SH3GL3: variants seen among roughly 807,000 people sequenced by gnomAD.
SH3GL3 encodes SH3 domain containing GRB2 like 3, endophilin A3, also known as endophilin-A3.
In SH3GL3, 33 loss-of-function variants were observed where a neutral mutation model predicts 47.7. The ratio of observed to expected loss-of-function variants is 0.69; its 90% CI spans 0.52 to 0.92. The LOEUF (loss-of-function observed/expected upper bound fraction) is 0.92. SH3GL3 is among the 40% of genes least tolerant of loss of function. The probability of loss-of-function intolerance (pLI) is 0.00; values close to 1 mark genes in which losing one functional copy is unlikely to be tolerated. For synonymous variants in SH3GL3, 155 were observed against 148.8 expected, an observed-to-expected ratio of 1.04 and a Z score of -0.30; for missense variants, 363 against 417.8, an observed-to-expected ratio of 0.87 and a Z score of 1.14.
chr15:83,550,444 G>A (rs1028065261), intron 1 of SH3GL3, among the ~76,000 whole-genome samples: 6 of 152,102 alleles, frequency 3.9e-5, no homozygotes, highest in Non-Finnish European at 2.9e-5. Context: ...AGGCTGGAGT[G>A]CAGTGGTGTG....
intron 3 of SH3GL3, among the ~76,000 whole-genome samples, chr15:83,567,150 C>T (rs556766707): frequency 2.0e-5 from 3 of 152,268 alleles, no homozygotes; most frequent in Admixed American, 1.3e-4. Context: ...TTTCCCATAG[C>T]TATCTCCCAC....
chr15:83,511,006 G>A (rs967848175), intron 1 of SH3GL3, among the ~76,000 whole-genome samples: 4 of 152,044 alleles, frequency 2.6e-5, no homozygotes, highest in African/African-American at 9.6e-5. Flanking sequence ...GTGGGGAGAG[G>A]GGGGCGGGAT....
intron 1 of SH3GL3, among the ~76,000 whole-genome samples, chr15:83,468,105 C>T (rs1455394240): frequency 6.6e-6 from 1 of 152,236 alleles, no homozygotes; most frequent in African/African-American, 2.4e-5. Flanking sequence ...GCTGGGATTA[C>T]AGGCATGAGC....
intron 8 of SH3GL3, among the ~76,000 whole-genome samples, chr15:83,595,639 A>T (rs563687910): frequency 1.4e-5 from 2 of 145,484 alleles, no homozygotes; most frequent in African/African-American, 5.1e-5. Context: ...TTTTTCCTGC[A>T]TGAAGGCTTT....
intron 3 of SH3GL3, among the ~76,000 whole-genome samples, chr15:83,567,183 T>C (rs2045589547): frequency 6.6e-6 from 1 of 152,162 alleles, no homozygotes; most frequent in South Asian, 2.1e-4. Flanking sequence ...TAATAGCATT[T>C]TAGGTCAAAC....
At chr15:83,566,420 T>C (rs1206342745) in intron 3 of SH3GL3, among the ~76,000 whole-genome samples, 1 of 144,612 alleles carries the variant, frequency 6.9e-6, no homozygotes, top group Non-Finnish European at 1.5e-5. Context: ...TGTGTGAGAG[T>C]GAAGCCTTTG....
At chr15:83,529,927 C>T (rs1219066762) in intron 1 of SH3GL3, among the ~76,000 whole-genome samples, 3 of 152,122 alleles carry the variant, frequency 2.0e-5, no homozygotes, top group Non-Finnish European at 4.4e-5. Flanking sequence ...ATTGGCTCCC[C>T]TTGTTTCAGC....
Position 83,566,365 on chromosome 15 carries a change from A to AGAGAGTGTGT in SH3GL3, c.187+1160_187+1161insAGAGTGTGTG, listed in dbSNP as rs1459069703. On this transcript the variant is annotated intron_variant, in intron 3 of 8. Coordinates refer to ENST00000427482, the MANE Select transcript of SH3GL3 (RefSeq NM_003027.5). ...GATGGGCAGAGAGAGAGAGAGAGAG[A>AGAGAGTGTGT]GTGTGTGTGTGTGTGTGTGTGTGTG... Among the ~76,000 whole-genome samples the AGAGAGTGTGT allele has an allele frequency of 2.3e-3, 316 of 136,688 alleles. 3 individuals carry two copies. The highest frequency in any genetic ancestry group is 3.9e-3 in the Non-Finnish European group (249 of 63,830). 89.7% of individuals were successfully genotyped at this position (136,688 alleles called of 152,430 possible). A position where few individuals can be genotyped will look rare whatever the true frequency, so the allele number is the denominator to read the frequency against.
chr15:83,564,177 G>A (rs1196358516), intron 2 of SH3GL3, among the ~76,000 whole-genome samples: 3 of 151,872 alleles, frequency 2.0e-5, no homozygotes, highest in Non-Finnish European at 4.4e-5. Flanking sequence ...TTTTTAGGTT[G>A]ATATTTTTAA....
chr15:83,516,993 C>G (rs759462783), intron 1 of SH3GL3, among the ~76,000 whole-genome samples: 1 of 151,416 alleles, frequency 6.6e-6, no homozygotes, highest in Non-Finnish European at 1.5e-5. Context: ...ATAACTATAC[C>G]ATACTTTTTT....
At position 83,485,048 on chromosome 15, in the gene SH3GL3, T is replaced by C. The variant is rs561155032; in HGVS notation, c.45+37470T>C. Reference sequence around the variant, plus strand: ...TGTATTCCCTTGCAGATAATCTCTCTGTCTCCTATTTTCTCACCTTTGAAT... The same window carrying C: ...TGTATTCCCTTGCAGATAATCTCTCCGTCTCCTATTTTCTCACCTTTGAAT... On this transcript the variant is annotated intron_variant, in intron 1 of 8. Coordinates refer to ENST00000427482, the MANE Select transcript of SH3GL3 (RefSeq NM_003027.5). Among the ~76,000 whole-genome samples, 4 of 152,354 alleles carry C rather than the reference T, an allele frequency of 2.6e-5. No individual in the cohort carries two copies. The South Asian group carries it at 8.3e-4, about 32-fold the overall frequency.
At chr15:83,471,104 G>C (rs147669518) in intron 1 of SH3GL3, among the ~76,000 whole-genome samples, 5 of 152,156 alleles carry the variant, frequency 3.3e-5, no homozygotes, top group Admixed American at 6.5e-5. Context: ...CTTTTCTGAT[G>C]TTCCAAGATT....
At chr15:83,594,528 T>C (rs1200709371) in intron 8 of SH3GL3, among the ~76,000 whole-genome samples, 2 of 152,310 alleles carry the variant, frequency 1.3e-5, no homozygotes, top group South Asian at 2.1e-4. Context: ...ATTTCCTTAG[T>C]TTTTACCTGC....
chr15:83,628,105 G>A, the SH3GL3 span, among the ~76,000 whole-genome samples: 1 of 152,144 alleles, frequency 6.6e-6, no homozygotes, highest in Non-Finnish European at 1.5e-5. Context: ...TCTGCAGGCT[G>A]CCCAGCTTCT....
In SH3GL3 at chr15:83,516,204, C is replaced by T. The variant is rs147019651; in HGVS notation, c.46-43049C>T. Among the ~76,000 whole-genome samples the T allele has an allele frequency of 3.2e-4, 48 of 152,142 alleles. No homozygotes were observed. The East Asian group carries it at 9.1e-3, about 29-fold the overall frequency. On this transcript the variant is annotated intron_variant, in intron 1 of 8. Transcript: ENST00000427482. ...TCTCTCTTTTTCTGTGAACATAAAA[C>T]ATAAGTGTACTGACTGTTGGATTTT...
chr15:83,533,134 G>A (rs2043755675), intron 1 of SH3GL3, among the ~76,000 whole-genome samples: 1 of 152,218 alleles, frequency 6.6e-6, no homozygotes, highest in South Asian at 2.1e-4. Context: ...AATGGGAAGT[G>A]AGAAAATGGG....
intron 6 of SH3GL3, among the ~76,000 whole-genome samples, chr15:83,578,536 A>C (rs2059745319): frequency 6.6e-6 from 1 of 152,212 alleles, no homozygotes; most frequent in Non-Finnish European, 1.5e-5. Context: ...TATGTCCAAT[A>C]CTAACAAGAC....
chr15:83,589,622 C>T (rs1018798519), intron 8 of SH3GL3, among the ~76,000 whole-genome samples: 5 of 152,356 alleles, frequency 3.3e-5, no homozygotes, highest in African/African-American at 1.2e-4. Flanking sequence ...AGCAATCCTT[C>T]TGCCTCGGCC....
chr15:83,505,814 G>A (rs1416209631), intron 1 of SH3GL3, among the ~76,000 whole-genome samples: 7 of 152,166 alleles, frequency 4.6e-5, no homozygotes, highest in Non-Finnish European at 8.8e-5. Flanking sequence ...ACAGGCATGA[G>A]CCACTGCGTC....
Sources: allele counts gnomAD v4.1 joint callset (sites outside exome capture counted in the v4.1 genomes callset), GRCh38; gene constraint gnomAD v4.1.1; transcripts MANE v1.5; gene names NCBI Gene and HGNC (gene_info 2026-07-23, HGNC 2026-07-21).